Variants in SNX8 observed in about 807,000 individuals in gnomAD.
The protein encoded by SNX8 is sorting nexin-8.
Under a neutral mutation model 51.6 loss-of-function variants are expected in SNX8, and 25 were observed. The ratio of observed to expected loss-of-function variants is 0.48; its 90% CI spans 0.35 to 0.68. The LOEUF (loss-of-function observed/expected upper bound fraction) is 0.68, where lower values mean the gene tolerates loss of function less well. Ranked by LOEUF, SNX8 falls within the 30% of genes least tolerant of loss-of-function variation. The probability of loss-of-function intolerance (pLI) is 0.00; values close to 1 mark genes in which losing one functional copy is unlikely to be tolerated. For missense variants in SNX8, 695 were observed against 624.0 expected (o/e 1.11, Z -1.21); for synonymous variants, 324 against 277.0 (o/e 1.17, Z -1.68).
chr7:2,336,079 G>A (rs1778823512), intron 1 of SNX8, among the ~76,000 whole-genome samples: 1 of 150,362 alleles, frequency 6.7e-6, no homozygotes, highest in Admixed American at 6.8e-5. Context: ...CTCCAGCCTG[G>A]GTGACAGTGT....
At chr7:2,286,456 T>C (rs1796030561) in intron 1 of SNX8, among the ~76,000 whole-genome samples, 2 of 152,128 alleles carry the variant, frequency 1.3e-5, no homozygotes, top group Admixed American at 1.3e-4. Context: ...TACACATCTA[T>C]ATTCATTTTT....
chr7:2,302,772 G>A lies in SNX8; in HGVS notation c.94+11556C>T, dbSNP rs369294604. Among the ~76,000 whole-genome samples, 107 of 151,338 alleles carry A rather than the reference G, an allele frequency of 7.1e-4. 3 individuals are homozygous for A. The South Asian group carries it at 0.018, about 26-fold the overall frequency. On this transcript the variant is annotated intron_variant, in intron 1 of 10. Coordinates refer to ENST00000222990, the MANE Select transcript of SNX8 (RefSeq NM_013321.4). Reference sequence around the variant, plus strand: ...CCCCACCGCCCCGTCTGGGATGTGAGGAGCGCCTCTGCCCGGCCGCGACCT... The same window carrying A: ...CCCCACCGCCCCGTCTGGGATGTGAAGAGCGCCTCTGCCCGGCCGCGACCT...
chr7:2,278,612 ACGCCGG>A (rs1795839240), intron 1 of SNX8, among the ~76,000 whole-genome samples: 6 of 142,566 alleles, frequency 4.2e-5, no homozygotes, highest in African/African-American at 1.5e-4. Context: ...TACGGAGTCG[ACGCCGG>A]ACTCACTCAC....
At chr7:2,296,763 T>C (rs1271524319) in intron 1 of SNX8, among the ~76,000 whole-genome samples, 1 of 151,612 alleles carries the variant, frequency 6.6e-6, no homozygotes, top group East Asian at 1.9e-4. Flanking sequence ...AAACCCCATC[T>C]CTACAAAAAT....
intron 5 of SNX8, among the ~76,000 whole-genome samples, chr7:2,267,964 G>A (rs1346135272): frequency 6.1e-5 from 8 of 132,172 alleles, no homozygotes; most frequent in East Asian, 2.3e-4. Flanking sequence ...CTGCCCCGCC[G>A]CCCCATCTGG....
At chr7:2,322,193 T>C (rs1778532962) in intron 1 of SNX8, among the ~76,000 whole-genome samples, 1 of 152,178 alleles carries the variant, frequency 6.6e-6, no homozygotes, top group Admixed American at 6.6e-5. Flanking sequence ...AGAATTTAAC[T>C]ACACAGGAGG....
intron 1 of SNX8, among the ~76,000 whole-genome samples, chr7:2,332,373 T>C (rs985863639): frequency 1.3e-5 from 2 of 152,094 alleles, no homozygotes; most frequent in African/African-American, 4.8e-5. Flanking sequence ...CTAGTCCTAA[T>C]CCTAGCATGA....
At chr7:2,304,524 A>G (rs1796503392) in intron 1 of SNX8, among the ~76,000 whole-genome samples, 1 of 151,930 alleles carries the variant, frequency 6.6e-6, no homozygotes, top group Non-Finnish European at 1.5e-5. Context: ...AGCCTGGGCG[A>G]CAGAGCGAGA....
intron 1 of SNX8, among the ~76,000 whole-genome samples, chr7:2,304,839 G>C (rs1430407511): frequency 1.3e-5 from 2 of 152,160 alleles, no homozygotes; most frequent in Non-Finnish European, 2.9e-5. Context: ...CGGGCACTAA[G>C]TGGCCGGTTC....
chr7:2,308,540 C>T (rs1487435684), intron 1 of SNX8, among the ~76,000 whole-genome samples: 3 of 151,580 alleles, frequency 2.0e-5, no homozygotes, highest in Admixed American at 1.3e-4. Context: ...TGGTGGCACA[C>T]GCCTGTAATC....
chr7:2,257,085 GAAC>G, intron 9 of SNX8, 62 bp from the exon 10 acceptor site: 1 of 1,513,004 alleles, frequency 6.6e-7, no homozygotes, highest in Admixed American at 2.0e-5. Flanking sequence ...ACCAAGGCCC[GAAC>G]ACCAGCGTGC....
At chr7:2,352,635 A>G (rs1395024659) in intron 1 of SNX8, among the ~76,000 whole-genome samples, 1 of 151,976 alleles carries the variant, frequency 6.6e-6, no homozygotes, top group Non-Finnish European at 1.5e-5. Flanking sequence ...GATCGAGACC[A>G]TCCTGGCTAA....
upstream of SNX8, chr7:2,314,455 G>T (rs1416904006): frequency 1.1e-4 from 135 of 1,200,640 alleles, no homozygotes; most frequent in South Asian, 1.7e-4. Flanking sequence ...TTCCTCCCGC[G>T]CCACCCGGCC....
chr7:2,287,638 C>G (rs904517933), intron 1 of SNX8, among the ~76,000 whole-genome samples: 1 of 152,022 alleles, frequency 6.6e-6, no homozygotes, highest in Non-Finnish European at 1.5e-5. Context: ...ATAGTCCCAG[C>G]TACTTGGGAG....
intron 1 of SNX8, among the ~76,000 whole-genome samples, chr7:2,352,850 A>G (rs1352127346): frequency 6.6e-6 from 1 of 152,098 alleles, no homozygotes; most frequent in Non-Finnish European, 1.5e-5. Context: ...AAAAAAAAAA[A>G]AATTGTCATC....
chr7:2,262,230 A>G (rs945014893), intron 7 of SNX8, among the ~76,000 whole-genome samples: 4 of 152,010 alleles, frequency 2.6e-5, no homozygotes, highest in African/African-American at 9.7e-5. Flanking sequence ...GATAGAGATG[A>G]GATCTTGCTC....
chr7:2,312,791 A>C (rs1404994120), intron 1 of SNX8, among the ~76,000 whole-genome samples: 1 of 151,810 alleles, frequency 6.6e-6, no homozygotes, highest in Non-Finnish European at 1.5e-5. Context: ...ACTCACACCA[A>C]CACCCACCTA....
At chr7:2,353,074 G>A (rs1406334828) in intron 1 of SNX8, among the ~76,000 whole-genome samples, 2 of 152,136 alleles carry the variant, frequency 1.3e-5, no homozygotes, top group South Asian at 2.1e-4. Flanking sequence ...GAGGAAGACT[G>A]CTTGAGGCCA....
chr7:2,325,969 G>A (rs1166669311), intron 1 of SNX8, among the ~76,000 whole-genome samples: 9 of 152,188 alleles, frequency 5.9e-5, no homozygotes. Flanking sequence ...TATATGCAAA[G>A]CCAAACTTAT....
Sources: gnomAD v4.1 joint callset for allele counts (sites outside exome capture counted in the v4.1 genomes callset) on GRCh38, gnomAD v4.1.1 for gene constraint, MANE v1.5 for transcripts, NCBI Gene and HGNC (gene_info 2026-07-23, HGNC 2026-07-21) for gene names.